Variants in C16orf87 observed in about 807,000 individuals in gnomAD.
C16orf87 encodes HDAC and MIER1 interacting protein 1.
Under a neutral mutation model 21.0 loss-of-function variants are expected in C16orf87, and 13 were observed. The ratio of observed to expected loss-of-function variants is 0.62; its 90% confidence interval spans 0.40 to 0.98. The LOEUF (loss-of-function observed/expected upper bound fraction) is 0.98, where lower values mean the gene tolerates loss of function less well. Ranked by LOEUF, C16orf87 falls within the 50% of genes least tolerant of loss-of-function variation. C16orf87 has a pLI of 0.00. For synonymous variants in C16orf87, 49 were observed against 60.2 expected (o/e 0.81, Z 0.86); for missense variants, 113 against 180.4 (o/e 0.63, Z 2.14).
At chr16:46,809,433 T>C (rs1161918782) in intron 3 of C16orf87, among the ~76,000 whole-genome samples, 170 bp downstream of exon 3, 8 of 152,312 alleles carry the variant, frequency 5.3e-5, no homozygotes, top group Middle Eastern at 3.4e-3. Context: ...TAAATTCCTG[T>C]GATTAAAAAA....
chr16:46,800,000 G>A lies in C16orf87; in HGVS notation c.*2952C>T, dbSNP rs1316236952. 2.6e-5 allele frequency: 4 copies of A among 152,116 alleles called. No homozygotes were observed. The East Asian group carries it at 7.7e-4, about 29-fold the overall frequency. The allele number at this position is 152,116 out of a possible 1,614,324, so 9.4% of individuals were successfully genotyped here. A position where few individuals can be genotyped will look rare whatever the true frequency, so the allele number is the denominator to read the frequency against. On this transcript the variant is annotated 3_prime_UTR_variant, in exon 4 of 4. Coordinates refer to ENST00000285697, the MANE Select transcript of C16orf87 (RefSeq NM_001001436.4). ...ATTTTTCTAAATTTAAGACAAACAT[G>A]CAGATTGAAAGGCAAGCCAAAATTA...
Position 46,802,946 on chromosome 16 carries a change from C to A in C16orf87, c.*6G>T. 7.2e-7 allele frequency: 1 copy of A among 1,388,652 alleles called. No homozygotes were observed. 86.0% of individuals were successfully genotyped at this position (1,388,652 alleles called of 1,614,324 possible). Reference sequence around the variant, plus strand: ...CAGAAGTTTCAGCAGATTTTGCAAACAAGTATCAGAGAATAAGTCTTTGAT... The same window carrying A: ...CAGAAGTTTCAGCAGATTTTGCAAAAAAGTATCAGAGAATAAGTCTTTGAT... On this transcript the variant is annotated 3_prime_UTR_variant, in exon 4 of 4. Coordinates refer to ENST00000285697, the MANE Select transcript of C16orf87 (RefSeq NM_001001436.4).
rs762116537 is a variant in C16orf87 at position 46,824,341 on chromosome 16, C to A, written c.163+45G>T. ...AGAAACTTCACAAAAATTAACTTTACATTTCTACATCAAAAAGCTAAAAAT... is the reference window on the plus strand; with the variant it reads ...AGAAACTTCACAAAAATTAACTTTAAATTTCTACATCAAAAAGCTAAAAAT... On this transcript the variant is annotated intron_variant, in intron 2 of 3. Transcript: ENST00000285697. 5 of 855,210 alleles carry A rather than the reference C, an allele frequency of 5.8e-6. No individual in the cohort carries two copies. In the African/African-American group the frequency reaches 7.0e-5, roughly 12 times the overall value. The allele number at this position is 855,210 out of a possible 1,614,324, so 53.0% of individuals were successfully genotyped here. A position where few individuals can be genotyped will look rare whatever the true frequency, so the allele number is the denominator to read the frequency against.
At chr16:46,829,101 T>C (rs1454298990) in intron 1 of C16orf87, among the ~76,000 whole-genome samples, 1 of 152,134 alleles carries the variant, frequency 6.6e-6, no homozygotes, top group African/African-American at 2.4e-5. Flanking sequence ...GAATTAGGTT[T>C]AAATTAAGTC....
At chr16:46,827,074 C>A (rs1467876583) in intron 1 of C16orf87, among the ~76,000 whole-genome samples, 2 of 152,194 alleles carry the variant, frequency 1.3e-5, no homozygotes, top group Non-Finnish European at 2.9e-5. Flanking sequence ...ACTGAATTAA[C>A]AGGTTGATTT....
In C16orf87 at chr16:46,812,575, A is replaced by C. The variant is rs1329926770; in HGVS notation, c.164-2790T>G. 2.6e-5 allele frequency among the ~76,000 whole-genome samples: 4 copies of C among 152,252 alleles called. No homozygotes were observed. In the East Asian group the frequency reaches 7.7e-4, roughly 29 times the overall value. ...ATTTTCTACTTTTGCATATGCTTAG[A>C]ATTTCTCAAAAAAATAAAGGTTAAA... On this transcript the variant is annotated intron_variant, in intron 2 of 3. Coordinates refer to ENST00000285697, the MANE Select transcript of C16orf87 (RefSeq NM_001001436.4).
intron 2 of C16orf87, among the ~76,000 whole-genome samples, chr16:46,814,934 A>T (rs1316414891): frequency 6.6e-6 from 1 of 152,212 alleles, no homozygotes; most frequent in Non-Finnish European, 1.5e-5. Context: ...ATCTTGAAAA[A>T]ATTCAAAGTT....
intron 2 of C16orf87, among the ~76,000 whole-genome samples, chr16:46,815,186 C>T (rs1968204540): frequency 6.6e-6 from 1 of 152,008 alleles, no homozygotes; most frequent in Non-Finnish European, 1.5e-5. Context: ...ATAATTCACA[C>T]TAGCCAAAAA....
rs959416293 is a variant in C16orf87, at chr16:46,801,137, C to A, written c.*1815G>T. 1 of 152,160 alleles carries A rather than the reference C, an allele frequency of 6.6e-6. No individual in the cohort carries two copies. Among genetic ancestry groups the A allele is most frequent in the African/African-American group, 2.4e-5 (1 of 41,430 alleles). 9.4% of individuals were successfully genotyped at this position (152,160 alleles called of 1,614,324 possible). A position where few individuals can be genotyped will look rare whatever the true frequency, so the allele number is the denominator to read the frequency against. On this transcript the variant is annotated 3_prime_UTR_variant, in exon 4 of 4. Coordinates refer to ENST00000285697, the MANE Select transcript of C16orf87 (RefSeq NM_001001436.4). Reference sequence around the variant, plus strand: ...TATTAATCATTTTTAAGCTTTTTTACTTAAAATCAAAAGTTTCCTTACAGT... The same window carrying A: ...TATTAATCATTTTTAAGCTTTTTTAATTAAAATCAAAAGTTTCCTTACAGT...
chr16:46,815,975 G>C (rs1968227285), intron 2 of C16orf87, among the ~76,000 whole-genome samples: 1 of 152,172 alleles, frequency 6.6e-6, no homozygotes, highest in South Asian at 2.1e-4. Flanking sequence ...ATAGCAAAAA[G>C]GTTAAAGCAA....
rs766343233 is a variant in C16orf87 at position 46,802,937 on chromosome 16, T to C, written c.*15A>G. 2 of 1,241,084 alleles carry C rather than the reference T, an allele frequency of 1.6e-6. No individual in the cohort carries two copies. The highest frequency in any genetic ancestry group is 1.2e-5 in the South Asian group (1 of 82,008). 76.9% of individuals were successfully genotyped at this position (1,241,084 alleles called of 1,614,324 possible). A position where few individuals can be genotyped will look rare whatever the true frequency, so the allele number is the denominator to read the frequency against. ...TTATCCTGACAGAAGTTTCAGCAGA[T>C]TTTGCAAACAAGTATCAGAGAATAA... On this transcript the variant is annotated 3_prime_UTR_variant, in exon 4 of 4. Transcript: ENST00000285697.
chr16:46,806,865 G>GT (rs1419120664), intron 3 of C16orf87, among the ~76,000 whole-genome samples: 3 of 152,174 alleles, frequency 2.0e-5, no homozygotes, highest in Middle Eastern at 3.4e-3. Flanking sequence ...TTTAAGTTAG[G>GT]TTTTTTAGAC....
chr16:46,827,954 T>C (rs1424242489), intron 1 of C16orf87, among the ~76,000 whole-genome samples: 1 of 151,098 alleles, frequency 6.6e-6, no homozygotes, highest in East Asian at 2.0e-4. Flanking sequence ...ACTTTTTTTT[T>C]TTGAGACGGA....
intron 2 of C16orf87, among the ~76,000 whole-genome samples, chr16:46,812,475 G>A (rs1968118509): frequency 6.6e-6 from 1 of 152,056 alleles, no homozygotes; most frequent in Non-Finnish European, 1.5e-5. Flanking sequence ...ATTTATAACT[G>A]AAATTATATG....
chr16:46,801,875 T>C lies in C16orf87; in HGVS notation c.*1077A>G, dbSNP rs527519265. 1 of 152,240 alleles carries C rather than the reference T, an allele frequency of 6.6e-6. No individual in the cohort carries two copies. Among genetic ancestry groups the C allele is most frequent in the Non-Finnish European group, 1.5e-5 (1 of 67,996 alleles). The allele number at this position is 152,240 out of a possible 1,614,324, so 9.4% of individuals were successfully genotyped here. A position where few individuals can be genotyped will look rare whatever the true frequency, so the allele number is the denominator to read the frequency against. On this transcript the variant is annotated 3_prime_UTR_variant, in exon 4 of 4. Transcript: ENST00000285697. ...GAGCGACTGAAAATAAGGGGAGTGA[T>C]TACCAAGTTTGAATATGTTAATCAT...
chr16:46,809,336 T>C (rs1226467404), intron 3 of C16orf87, among the ~76,000 whole-genome samples: 2 of 152,000 alleles, frequency 1.3e-5, no homozygotes, highest in African/African-American at 4.8e-5. Flanking sequence ...CAGGATGTCA[T>C]ATACAAATTA....
At position 46,812,120 on chromosome 16, in the gene C16orf87, TG is replaced by T. The variant is rs377358197; in HGVS notation, c.164-2336del. 5.0e-3 allele frequency among the ~76,000 whole-genome samples: 754 copies of T among 152,238 alleles called. 4 individuals carry two copies. Among genetic ancestry groups the T allele is most frequent in the African/African-American group, 0.017 (710 of 41,518 alleles). On this transcript the variant is annotated intron_variant, in intron 2 of 3. Transcript: ENST00000285697. Reference sequence around the variant, plus strand: ...TTAGCCAGGCATGGTGGTGTGCGCCTGTAGTCCCAACTACTCAGGAGGCCAA... The same window carrying T: ...TTAGCCAGGCATGGTGGTGTGCGCCTTAGTCCCAACTACTCAGGAGGCCAA...
At chr16:46,821,025 A>G (rs188522278) in intron 2 of C16orf87, among the ~76,000 whole-genome samples, 1 of 152,298 alleles carries the variant, frequency 6.6e-6, no homozygotes, top group African/African-American at 2.4e-5. Context: ...GAAATGTTCT[A>G]TATCTCACTG....
chr16:46,820,688 A>G (rs1263747726), intron 2 of C16orf87, among the ~76,000 whole-genome samples: 1 of 152,184 alleles, frequency 6.6e-6, no homozygotes, highest in Admixed American at 6.5e-5. Context: ...GTATATAAAC[A>G]ATTAGGCTCT....
Sources: gnomAD v4.1 joint callset for allele counts (sites outside exome capture counted in the v4.1 genomes callset) on GRCh38, gnomAD v4.1.1 for gene constraint, MANE v1.5 for transcripts, NCBI Gene and HGNC (gene_info 2026-07-23, HGNC 2026-07-21) for gene names.